HS6ST3: variants seen among roughly 807,000 people sequenced by gnomAD.
HS6ST3 encodes the protein heparan sulfate 6-O-sulfotransferase 3.
In HS6ST3, 12 loss-of-function variants were observed where a neutral mutation model predicts 36.7. The observed-to-expected ratio is 0.33, with a 90% CI of 0.21 to 0.53. The LOEUF (loss-of-function observed/expected upper bound fraction) is 0.53, where lower values mean the gene tolerates loss of function less well. Ranked by LOEUF, HS6ST3 falls within the 20% of genes least tolerant of loss-of-function variation. The pLI is 0.95. For missense variants in HS6ST3, 584 were observed against 640.9 expected (o/e 0.91, Z 0.96); for synonymous variants, 240 against 257.5 (o/e 0.93, Z 0.65).
At chr13:96,290,811 A>G (rs1458663670) in intron 1 of HS6ST3, among the ~76,000 whole-genome samples, 1 of 152,208 alleles carries the variant, frequency 6.6e-6, no homozygotes, top group African/African-American at 2.4e-5. Context: ...CACCTGATGC[A>G]GCTGGTTGTC....
chr13:96,292,008 A>G (rs1017147896), intron 1 of HS6ST3, among the ~76,000 whole-genome samples: 3 of 152,104 alleles, frequency 2.0e-5, no homozygotes, highest in African/African-American at 7.2e-5. Flanking sequence ...TTTTTCTGTG[A>G]TTAAATATGC....
chr13:96,687,831 T>A (rs1874828215), intron 1 of HS6ST3, among the ~76,000 whole-genome samples: 1 of 152,034 alleles, frequency 6.6e-6, no homozygotes, highest in African/African-American at 2.4e-5. Flanking sequence ...CATTGTAATT[T>A]CTCACTAAAC....
At chr13:96,549,867 A>G (rs1327788897) in intron 1 of HS6ST3, among the ~76,000 whole-genome samples, 2 of 151,796 alleles carry the variant, frequency 1.3e-5, no homozygotes, top group Admixed American at 6.6e-5. Context: ...CTTCCACTCA[A>G]TGGTGTCTGA....
intron 1 of HS6ST3, among the ~76,000 whole-genome samples, chr13:96,300,886 A>G (rs1385447765): frequency 2.0e-5 from 3 of 152,184 alleles, no homozygotes; most frequent in African/African-American, 4.8e-5. Context: ...ATTGGACAAC[A>G]TTTTGCGTAA....
chr13:96,200,050 C>T (rs1226523775), intron 1 of HS6ST3, among the ~76,000 whole-genome samples: 1 of 152,146 alleles, frequency 6.6e-6, no homozygotes, highest in Non-Finnish European at 1.5e-5. Flanking sequence ...ATAGGCCATA[C>T]TTAGTTCTAA....
At chr13:96,832,212 G>C (rs79050359) in intron 1 of HS6ST3, among the ~76,000 whole-genome samples, 2,007 of 152,200 alleles carry the variant, frequency 0.013, 49 homozygotes, top group African/African-American at 0.045. Context: ...AATAATTGCT[G>C]AACGAATGAA....
chr13:96,663,695 A>G (rs909221340), intron 1 of HS6ST3, among the ~76,000 whole-genome samples: 2 of 152,212 alleles, frequency 1.3e-5, no homozygotes, highest in African/African-American at 4.8e-5. Flanking sequence ...AAAGAATTGC[A>G]TGTGGATTTT....
At chr13:96,782,686 T>G (rs1389744244) in intron 1 of HS6ST3, among the ~76,000 whole-genome samples, 1 of 152,144 alleles carries the variant, frequency 6.6e-6, no homozygotes, top group Non-Finnish European at 1.5e-5. Context: ...ATACTAAGAT[T>G]GTAGGTTGCC....
At chr13:96,379,668 T>TA (rs1474367603) in intron 1 of HS6ST3, among the ~76,000 whole-genome samples, 1 of 152,212 alleles carries the variant, frequency 6.6e-6, no homozygotes, top group Non-Finnish European at 1.5e-5. Flanking sequence ...CTTTACCCGA[T>TA]AAAAATGCAG....
At chr13:96,104,047 TAGAG>T (rs1184529579) in intron 1 of HS6ST3, among the ~76,000 whole-genome samples, 3 of 151,874 alleles carry the variant, frequency 2.0e-5, no homozygotes, top group Non-Finnish European at 4.4e-5. Context: ...CTGTATATGA[TAGAG>T]ATAAATTATA....
intron 1 of HS6ST3, among the ~76,000 whole-genome samples, chr13:96,581,690 G>C (rs2056342597): frequency 6.6e-6 from 1 of 152,142 alleles, no homozygotes; most frequent in African/African-American, 2.4e-5. Flanking sequence ...ACAAGGTAAT[G>C]AACAATGTTG....
chr13:96,234,138 G>A (rs1215373903), intron 1 of HS6ST3, among the ~76,000 whole-genome samples: 1 of 151,678 alleles, frequency 6.6e-6, no homozygotes, highest in Non-Finnish European at 1.5e-5. Context: ...AGCCAGGCAT[G>A]GTGGCTCACG....
Position 96,573,895 on chromosome 13 carries a change from C to T in HS6ST3, c.708-258595C>T, listed in dbSNP as rs1442345242. 1.2e-5 allele frequency: 6 copies of T among 502,448 alleles called. No homozygotes were observed. In the East Asian group the frequency reaches 3.2e-4, roughly 27 times the overall value. The allele number at this position is 502,448 out of a possible 1,614,324, so 31.1% of individuals were successfully genotyped here. A position where few individuals can be genotyped will look rare whatever the true frequency, so the allele number is the denominator to read the frequency against. On this transcript the variant is annotated intron_variant, in intron 1 of 1. Transcript: ENST00000376705. ...GGAGCACTGAGCCCTCTCCCCCAGTCTAATGGAATGGCAGCTCCACAAAGA... is the reference window on the plus strand; with the variant it reads ...GGAGCACTGAGCCCTCTCCCCCAGTTTAATGGAATGGCAGCTCCACAAAGA...
rs1491242538 is a variant in HS6ST3 at position 96,139,567 on chromosome 13, A to AAAAAAAAAAAAAAAT, written c.707+47998_707+47999insAAAAAAAAAAAAAAT. On this transcript the variant is annotated intron_variant, in intron 1 of 1. Coordinates refer to ENST00000376705, the MANE Select transcript of HS6ST3 (RefSeq NM_153456.4). ...AAAAAAAAAAAAAAAAAAAAAAAAA[A>AAAAAAAAAAAAAAAT]TCCATGTATAAGTTAATTTGGTATA... Among the ~76,000 whole-genome samples the AAAAAAAAAAAAAAAT allele has an allele frequency of 4.9e-4, 68 of 138,738 alleles. 2 individuals are homozygous for AAAAAAAAAAAAAAAT. Among genetic ancestry groups the AAAAAAAAAAAAAAAT allele is most frequent in the African/African-American group, 1.8e-3 (65 of 35,654 alleles). The allele number at this position is 138,738 out of a possible 152,430, so 91.0% of individuals were successfully genotyped here. A position where few individuals can be genotyped will look rare whatever the true frequency, so the allele number is the denominator to read the frequency against.
At chr13:96,607,982 G>T (rs1311084809) in intron 1 of HS6ST3, among the ~76,000 whole-genome samples, 1 of 152,156 alleles carries the variant, frequency 6.6e-6, no homozygotes, top group Non-Finnish European at 1.5e-5. Context: ...TGTAATGGTA[G>T]CTATCAAGGA....
intron 1 of HS6ST3, among the ~76,000 whole-genome samples, chr13:96,394,167 G>C (rs2139453484): frequency 6.6e-6 from 1 of 152,222 alleles, no homozygotes; most frequent in Middle Eastern, 3.4e-3. Context: ...GAGGAAGCAG[G>C]GTAAACCAGA....
At chr13:96,370,685 G>C (rs1164659692) in intron 1 of HS6ST3, among the ~76,000 whole-genome samples, 2 of 152,178 alleles carry the variant, frequency 1.3e-5, no homozygotes, top group African/African-American at 4.8e-5. Flanking sequence ...GCTGAGGCAG[G>C]CAGATCACCT....
At chr13:96,473,610 C>T (rs935375952) in intron 1 of HS6ST3, among the ~76,000 whole-genome samples, 2 of 152,160 alleles carry the variant, frequency 1.3e-5, no homozygotes, top group South Asian at 2.1e-4. Context: ...TCTACAGAGG[C>T]GGCGTCCAAT....
At chr13:96,489,725 C>T (rs893626597) in intron 1 of HS6ST3, among the ~76,000 whole-genome samples, 8 of 152,046 alleles carry the variant, frequency 5.3e-5, no homozygotes, top group South Asian at 2.1e-4. Context: ...GTAAGCATTT[C>T]ACATTTATTA....
Sources: allele counts gnomAD v4.1 joint callset (sites outside exome capture counted in the v4.1 genomes callset), GRCh38; gene constraint gnomAD v4.1.1; transcripts MANE v1.5; gene names NCBI Gene and HGNC (gene_info 2026-07-23, HGNC 2026-07-21).